The following LNPEP variants were observed in gnomAD, a reference collection of about 807,000 sequenced individuals.
LNPEP encodes the protein leucyl-cystinyl aminopeptidase.
A neutral mutation model predicts 120.6 loss-of-function variants in LNPEP; 64 were observed. That is an observed-to-expected ratio of 0.53 (90% CI 0.43 to 0.65). LNPEP has a LOEUF of 0.65. Among genes scored for constraint, LNPEP ranks in the 30% least tolerant of loss-of-function variants. The pLI is 0.00. For synonymous variants in LNPEP, 435 were observed against 425.4 expected (o/e 1.02, Z -0.28); for missense variants, 1,057 against 1,200.0 (o/e 0.88, Z 1.76).
At chr5:96,945,766 G>T (rs955404729) in intron 1 of LNPEP, among the ~76,000 whole-genome samples, 6 of 152,110 alleles carry the variant, frequency 3.9e-5, no homozygotes. Context: ...GCCCTTGGCC[G>T]TTCAGTCAGA....
At chr5:96,984,364 C>G (rs1228473980) in intron 2 of LNPEP, among the ~76,000 whole-genome samples, 1 of 152,158 alleles carries the variant, frequency 6.6e-6, no homozygotes, top group Admixed American at 6.5e-5. Context: ...TGAAGACCTT[C>G]CTCTTGAGCC....
Position 97,006,155 on chromosome 5 carries a change from A to C in LNPEP, c.1868A>C (p.Lys623Thr), listed in dbSNP as rs149073684. The C allele has an allele frequency of 1.9e-6, 3 of 1,601,742 alleles. No homozygotes were observed. The African/African-American group carries it at 4.0e-5, about 22-fold the overall frequency. Residue 623 changes from lysine (K) to threonine (T), a missense_variant, in exon 10 of 18, where the codon AAG becomes ACG. Coordinates refer to ENST00000231368, the MANE Select transcript of LNPEP (RefSeq NM_005575.3). ...GGATTTCCTTTAGTGACTGTTCAAA[A>C]GAAAGGAAAGGAACTTTTTATACAA... ...QKGFPLVTVQKKGKELFIQQE... is the reference protein window; with the variant it reads ...QKGFPLVTVQTKGKELFIQQE...
At chr5:96,958,483 C>T (rs972838695) in intron 1 of LNPEP, 3 of 985,396 alleles carry the variant, frequency 3.0e-6, no homozygotes, top group East Asian at 1.1e-4. Context: ...GAAGTGGAGC[C>T]GTACAGCCAT....
intron 1 of LNPEP, among the ~76,000 whole-genome samples, chr5:96,956,835 C>T (rs745328051): frequency 6.6e-6 from 1 of 152,106 alleles, no homozygotes; most frequent in Non-Finnish European, 1.5e-5. Context: ...CTCAATCTTT[C>T]TTTTCTCTGT....
chr5:97,027,745 G>T lies in LNPEP; in HGVS notation c.2877G>T (p.Gly959=), dbSNP rs1169711440. ...TGTGTTTCTTCAGGTTCCCTCTGGG[G>T]TCCTATACCATACAAAATATTGTTG... ...WNKLVQKFPL[G]SYTIQNIVAG... The change falls in exon 17 of 18, where the codon GGG becomes GGT. Residue 959 remains glycine, a synonymous_variant. Coordinates refer to ENST00000231368, the MANE Select transcript of LNPEP (RefSeq NM_005575.3). The T allele has an allele frequency of 6.3e-7, 1 of 1,599,692 alleles. No homozygotes were observed. The highest frequency in any genetic ancestry group is 1.3e-5 in the African/African-American group (1 of 74,770).
intron 1 of LNPEP, among the ~76,000 whole-genome samples, chr5:96,954,939 C>T (rs1715460072): frequency 6.7e-6 from 1 of 149,490 alleles, no homozygotes; most frequent in Non-Finnish European, 1.5e-5. Context: ...CCTGCCACCA[C>T]GCCCGGCTAA....
chr5:96,995,043 T>G (rs1326724157), intron 6 of LNPEP, among the ~76,000 whole-genome samples: 1 of 152,086 alleles, frequency 6.6e-6, no homozygotes, highest in Non-Finnish European at 1.5e-5. Flanking sequence ...AGGAGGCAGA[T>G]GTTGCAGTGA....
intron 8 of LNPEP, 61 bp from the exon 9 acceptor site, chr5:97,003,354 A>G: frequency 3.0e-6 from 3 of 1,003,634 alleles, no homozygotes; most frequent in Non-Finnish European, 4.2e-6. Context: ...TAGATTCCCA[A>G]TTCGATAATC....
intron 3 of LNPEP, among the ~76,000 whole-genome samples, 163 bp downstream of exon 3, chr5:96,985,381 G>A (rs1790216856): frequency 6.6e-6 from 1 of 152,162 alleles, no homozygotes. Flanking sequence ...ATTGGCATCA[G>A]TTGGGAAGTC....
intron 1 of LNPEP, among the ~76,000 whole-genome samples, chr5:96,965,496 A>G (rs139859444): frequency 0.012 from 1,877 of 152,242 alleles, 44 homozygotes; most frequent in East Asian, 0.071. Context: ...GATCTTTCTG[A>G]TACATAACTC....
intron 9 of LNPEP, 27 bp from the exon 10 acceptor site, chr5:97,006,046 T>TTTTATA: frequency 1.4e-6 from 1 of 702,382 alleles, no homozygotes. Flanking sequence ...GGAAAAAGTT[T>TTTTATA]TATATATATA....
At chr5:97,025,704 A>G (rs1791321372) in intron 15 of LNPEP, among the ~76,000 whole-genome samples, 1 of 152,192 alleles carries the variant, frequency 6.6e-6, no homozygotes, top group Non-Finnish European at 1.5e-5. Context: ...ATTTAACTGC[A>G]TTTTAAAAAC....
Position 97,013,844 on chromosome 5 carries a change from T to C in LNPEP, c.2219+13T>C. 1.9e-6 allele frequency: 3 copies of C among 1,557,232 alleles called. No homozygotes were observed. Among genetic ancestry groups the C allele is most frequent in the East Asian group, 2.3e-5 (1 of 44,184 alleles). ...TTGAACTTGCAGGGTAGAGTATACT[T>C]AGTTTGAGATTTTTTCTTTTTTTAA... On this transcript the variant is annotated intron_variant, in intron 12 of 17. Transcript: ENST00000231368.
intron 3 of LNPEP, among the ~76,000 whole-genome samples, chr5:96,985,921 C>G (rs1790232504): frequency 6.6e-6 from 1 of 152,102 alleles, no homozygotes; most frequent in Non-Finnish European, 1.5e-5. Flanking sequence ...CAGCACTGTA[C>G]CAGCTTACTC....
At chr5:97,001,489 A>G (rs1354806449) in intron 8 of LNPEP, among the ~76,000 whole-genome samples, 2 of 152,190 alleles carry the variant, frequency 1.3e-5, no homozygotes, top group Admixed American at 1.3e-4. Flanking sequence ...GATACCACAC[A>G]GGCAGTTGGA....
rs1270550274 is a variant in LNPEP, at chr5:97,032,914, A to G, written c.*4381A>G. 6.6e-6 allele frequency: 1 copy of G among 152,094 alleles called. No individual in the cohort carries two copies. The highest frequency in any genetic ancestry group is 1.5e-5 in the Non-Finnish European group (1 of 68,020). The allele number at this position is 152,094 out of a possible 1,614,324, so 9.4% of individuals were successfully genotyped here. ...ATATTATTCTTTCAAGTGTGTATAA[A>G]TATTGTGCCACCTTTTTATACTTCA... On this transcript the variant is annotated 3_prime_UTR_variant, in exon 18 of 18. Transcript: ENST00000231368.
Position 96,954,851 on chromosome 5 carries a change from C to T in LNPEP, c.19+18677C>T, listed in dbSNP as rs188887717. ...AGGCTGGAGTGCAGTGGCACGATCT[C>T]GGCTCACTGCAAGCTCCGCCTCCTG... On this transcript the variant is annotated intron_variant, in intron 1 of 17. Coordinates refer to ENST00000231368, the MANE Select transcript of LNPEP (RefSeq NM_005575.3). Among the ~76,000 whole-genome samples the T allele has an allele frequency of 8.6e-3, 1,126 of 131,206 alleles. 17 individuals carry two copies. The highest frequency in any genetic ancestry group is 0.072 in the East Asian group (317 of 4,404). 86.1% of individuals were successfully genotyped at this position (131,206 alleles called of 152,430 possible). A position where few individuals can be genotyped will look rare whatever the true frequency, so the allele number is the denominator to read the frequency against.
At chr5:97,006,579 T>C (rs1321217974) in intron 11 of LNPEP, 64 bp downstream of exon 11, 2 of 863,700 alleles carry the variant, frequency 2.3e-6, no homozygotes, top group African/African-American at 3.4e-5. Flanking sequence ...TCAGAGTGCA[T>C]ATATAAGATT....
intron 4 of LNPEP, among the ~76,000 whole-genome samples, chr5:96,991,050 C>G (rs958821142): frequency 6.6e-6 from 1 of 152,108 alleles, no homozygotes; most frequent in Non-Finnish European, 1.5e-5. Flanking sequence ...TCTTTTATCC[C>G]TCACTCCCCT....
Sources: allele counts gnomAD v4.1 joint callset (sites outside exome capture counted in the v4.1 genomes callset), GRCh38; gene constraint gnomAD v4.1.1; transcripts MANE v1.5; gene names NCBI Gene and HGNC (gene_info 2026-07-23, HGNC 2026-07-21).